The following ZFYVE28 variants were observed in gnomAD, a reference collection of about 807,000 sequenced individuals.
ZFYVE28 encodes zinc finger FYVE-type containing 28.
Under a neutral mutation model 82.1 loss-of-function variants are expected in ZFYVE28, and 40 were observed. The ratio of observed to expected loss-of-function variants is 0.49; its 90% CI spans 0.38 to 0.63. The LOEUF is 0.63. ZFYVE28 is among the 30% of genes least tolerant of loss of function. The pLI, the probability that ZFYVE28 is intolerant of heterozygous loss-of-function variation, is 0.00. For missense variants in ZFYVE28, 1,321 were observed against 1,242.1 expected (o/e 1.06, Z -0.96); for synonymous variants, 612 against 546.1 (o/e 1.12, Z -1.68).
intron 6 of ZFYVE28, among the ~76,000 whole-genome samples, chr4:2,331,756 G>A (rs1353526819): frequency 1.3e-5 from 2 of 152,162 alleles, no homozygotes; most frequent in South Asian, 4.1e-4. Flanking sequence ...TCACTGCCTG[G>A]TAAGGCCAGA....
intron 1 of ZFYVE28, among the ~76,000 whole-genome samples, chr4:2,378,535 C>G (rs1394625057): frequency 6.6e-6 from 1 of 152,156 alleles, no homozygotes; most frequent in East Asian, 1.9e-4. Flanking sequence ...TCTTTCCTCT[C>G]CACTCTCTCC....
intron 8 of ZFYVE28, among the ~76,000 whole-genome samples, chr4:2,279,545 CAAG>C (rs1560131010): frequency 1.3e-5 from 2 of 152,076 alleles, no homozygotes; most frequent in Admixed American, 6.5e-5. Context: ...TTTGGGAGGC[CAAG>C]GTGGGCGGAT....
rs562643550 is a variant in ZFYVE28, at chr4:2,374,630, A to AAGAAGGAGAAGG, written c.40-20569_40-20558dup. 3.9e-3 allele frequency among the ~76,000 whole-genome samples: 584 copies of AAGAAGGAGAAGG among 148,880 alleles called. 4 individuals are homozygous for AAGAAGGAGAAGG. The highest frequency in any genetic ancestry group is 6.2e-3 in the Non-Finnish European group (410 of 65,754). On this transcript the variant is annotated intron_variant, in intron 1 of 12. Transcript: ENST00000290974. The stretch of plus-strand genomic sequence containing the variant: ...CCCTGTTTCAAAAGAAGAAAAGAAG[A>AAGAAGGAGAAGG]AGAAGGAGAAGGAGAAGGAGGAGGA...
chr4:2,319,990 G>C (rs1718829129), intron 7 of ZFYVE28, among the ~76,000 whole-genome samples, 180 bp downstream of exon 7: 1 of 152,182 alleles, frequency 6.6e-6, no homozygotes, highest in African/African-American at 2.4e-5. Context: ...AGGGGCAAAA[G>C]CCAGGACTCT....
rs576824764 is a variant in ZFYVE28 at position 2,279,737 on chromosome 4, T to C, written c.2052-5521A>G. Among the ~76,000 whole-genome samples the C allele has an allele frequency of 4.7e-4, 71 of 149,528 alleles. 1 individual carries two copies. The highest frequency in any genetic ancestry group is 3.9e-3 in the East Asian group (20 of 5,084). ...CGGAGCTTGCAGTGAGCCGAGATCA[T>C]GCCACTGCACTCCAGCCTGACAACA... On this transcript the variant is annotated intron_variant, in intron 8 of 12. Coordinates refer to ENST00000290974, the MANE Select transcript of ZFYVE28 (RefSeq NM_020972.3).
intron 1 of ZFYVE28, among the ~76,000 whole-genome samples, chr4:2,383,167 C>A (rs920317049): frequency 6.6e-6 from 1 of 152,064 alleles, no homozygotes; most frequent in Non-Finnish European, 1.5e-5. Context: ...GGGCCAGGGA[C>A]GGAATTATAA....
intron 1 of ZFYVE28, among the ~76,000 whole-genome samples, chr4:2,399,370 T>C (rs1202057703): frequency 6.6e-6 from 1 of 152,162 alleles, no homozygotes; most frequent in Non-Finnish European, 1.5e-5. Flanking sequence ...TCTCTGCCCC[T>C]CTTTGCGGAG....
chr4:2,384,259 G>A (rs1729023676), intron 1 of ZFYVE28, among the ~76,000 whole-genome samples: 1 of 152,192 alleles, frequency 6.6e-6, no homozygotes, highest in African/African-American at 2.4e-5. Flanking sequence ...GAAACTTTCT[G>A]GAAGGAATTC....
intron 8 of ZFYVE28, among the ~76,000 whole-genome samples, chr4:2,278,093 C>G (rs1736638552): frequency 6.6e-6 from 1 of 152,210 alleles, no homozygotes; most frequent in African/African-American, 2.4e-5. Flanking sequence ...TCAACAAATG[C>G]TGCCGGAAAA....
chr4:2,279,166 A>G (rs1426213688), intron 8 of ZFYVE28, among the ~76,000 whole-genome samples: 1 of 152,200 alleles, frequency 6.6e-6, no homozygotes, highest in Non-Finnish European at 1.5e-5. Flanking sequence ...CACTGAACAC[A>G]TCATATTGTC....
At chr4:2,334,740 TCCCCCTTCCCCCTCCCCTTCCCCCTC>T (rs1721318948) in intron 6 of ZFYVE28, among the ~76,000 whole-genome samples, 1 of 15,584 alleles carries the variant, frequency 6.4e-5, no homozygotes, top group Non-Finnish European at 1.5e-4. Flanking sequence ...CACTGGACCC[TCCCCCTTCCCCCTCCCCTTCCCCCTC>T]CCCACTTCCG....
In ZFYVE28 at chr4:2,335,468, C is replaced by T. The variant is rs1260612034; in HGVS notation, c.701+237G>A. 6.6e-6 allele frequency among the ~76,000 whole-genome samples: 1 copy of T among 152,120 alleles called. No individual in the cohort carries two copies. Among genetic ancestry groups the T allele is most frequent in the African/African-American group, 2.4e-5 (1 of 41,412 alleles). On this transcript the variant is annotated intron_variant, in intron 6 of 12. Coordinates refer to ENST00000290974, the MANE Select transcript of ZFYVE28 (RefSeq NM_020972.3). This position sits in a 1 kb window ranked among gnomAD's most constrained non-coding sequence, Gnocchi z 5.8. The stretch of plus-strand genomic sequence containing the variant: ...AGGTGGCAGGTGTTAGGCCACCTTG[C>T]CCTATCTAGGGTGACAGAGCCTCCC...
chr4:2,333,791 C>T (rs192333892), intron 6 of ZFYVE28, among the ~76,000 whole-genome samples: 121 of 152,322 alleles, frequency 7.9e-4, no homozygotes, highest in African/African-American at 2.3e-3. Flanking sequence ...GAAACAAGGC[C>T]GGCTCGCAGG....
intron 12 of ZFYVE28, 106 bp downstream of exon 12, chr4:2,271,205 G>A (rs1266044467): frequency 8.5e-7 from 1 of 1,178,536 alleles, no homozygotes; most frequent in Non-Finnish European, 1.2e-6. Context: ...GACCCCACAG[G>A]CCTCGCTGGC....
In ZFYVE28 at chr4:2,274,923, CAG is replaced by C. The variant is rs1259578196; in HGVS notation, c.2052-709_2052-708del. ...GCCTGCAGACGGAGTGAGGTTCTGC[CAG>C]AGTTTGCACTTCGGGCCTCCGACTG... On this transcript the variant is annotated intron_variant, in intron 8 of 12. Transcript: ENST00000290974. 2.2e-5 allele frequency among the ~76,000 whole-genome samples: 3 copies of C among 136,016 alleles called. No individual in the cohort carries two copies. The East Asian group carries it at 5.8e-4, about 26-fold the overall frequency. 89.2% of individuals were successfully genotyped at this position (136,016 alleles called of 152,430 possible). A position where few individuals can be genotyped will look rare whatever the true frequency, so the allele number is the denominator to read the frequency against.
intron 8 of ZFYVE28, among the ~76,000 whole-genome samples, chr4:2,282,524 T>G (rs17132404): frequency 6.6e-6 from 1 of 152,242 alleles, no homozygotes; most frequent in East Asian, 1.9e-4. Context: ...AATTCAGCAA[T>G]TGGATAGAGC....
chr4:2,336,127 A>T (rs1721649702), intron 5 of ZFYVE28, among the ~76,000 whole-genome samples: 1 of 152,150 alleles, frequency 6.6e-6, no homozygotes, highest in African/African-American at 2.4e-5. Flanking sequence ...AACCCAGAGG[A>T]CGGCTCTGCT....
chr4:2,304,653 A>C lies in ZFYVE28; in HGVS notation c.1687T>G (p.Ser563Ala). The change falls in exon 8 of 13, where the codon TCC becomes GCC. Residue 563 changes from serine to alanine, a missense_variant. Physicochemically the swap from Ser to Ala is moderately conservative, Grantham distance 99. This residue lies in a region of ZFYVE28 where 978 missense variants were observed against 833.7 expected (regional missense o/e 1.17). Transcript: ENST00000290974. ...CCGCAGCTCCCACAGCACACGCAGGAATGCAGAAGGCAGTTGGTGGCCCCA... is the reference window on the plus strand; with the variant it reads ...CCGCAGCTCCCACAGCACACGCAGGCATGCAGAAGGCAGTTGGTGGCCCCA... ...STGATNCLLH[S>A]CVCCGSCGDS... is the part of the protein sequence containing the mutation. 6.8e-6 allele frequency: 11 copies of C among 1,612,652 alleles called. No individual in the cohort carries two copies. The highest frequency in any genetic ancestry group is 9.3e-6 in the Non-Finnish European group (11 of 1,179,906).
chr4:2,292,281 CT>C (rs1192942055), intron 8 of ZFYVE28, among the ~76,000 whole-genome samples: 9 of 151,058 alleles, frequency 6.0e-5, no homozygotes, highest in African/African-American at 2.2e-4. Context: ...TGAGACCCAG[CT>C]GGCAAAGCTC....
Sources: gnomAD v4.1 joint callset for allele counts (sites outside exome capture counted in the v4.1 genomes callset) on GRCh38, gnomAD v4.1.1 for gene constraint, gnomAD v4.1.1 regional missense constraint, Gnocchi (gnomAD v3.1) non-coding constraint, MANE v1.5 for transcripts, NCBI Gene and HGNC (gene_info 2026-07-23, HGNC 2026-07-21) for gene names.